XYLT1: variants seen among roughly 807,000 people sequenced by gnomAD.
XYLT1 encodes beta-D-xylosyltransferase 1.
In XYLT1, 36 loss-of-function variants were observed where a neutral mutation model predicts 91.3. The ratio of observed to expected loss-of-function variants is 0.39; its 90% CI spans 0.30 to 0.52. The LOEUF is 0.52. Among genes scored for constraint, XYLT1 ranks in the 20% least tolerant of loss-of-function variants. The probability of loss-of-function intolerance (pLI) is 0.68; values close to 1 mark genes in which losing one functional copy is unlikely to be tolerated. For synonymous variants in XYLT1, 588 were observed against 532.0 expected, an observed-to-expected ratio of 1.11 and a Z score of -1.45; for missense variants, 1,242 against 1,284.5, an observed-to-expected ratio of 0.97 and a Z score of 0.51.
chr16:17,367,864 G>C (rs1300130369), intron 1 of XYLT1, among the ~76,000 whole-genome samples: 1 of 152,162 alleles, frequency 6.6e-6, no homozygotes, highest in African/African-American at 2.4e-5. Context: ...AGGAGGAAAG[G>C]CCTATTTCCT....
chr16:17,288,949 T>C (rs2034181166), intron 2 of XYLT1, among the ~76,000 whole-genome samples: 1 of 152,172 alleles, frequency 6.6e-6, no homozygotes, highest in South Asian at 2.1e-4. Context: ...ATACAATAAA[T>C]AGATTTTTTT....
chr16:17,138,233 T>TCA, intron 8 of XYLT1, 122 bp downstream of exon 8: 7 of 951,068 alleles, frequency 7.4e-6, no homozygotes, highest in Non-Finnish European at 7.7e-6. Flanking sequence ...TATTATTAAT[T>TCA]ATCAACAGCC....
chr16:17,341,732 C>T (rs907772311), intron 2 of XYLT1, among the ~76,000 whole-genome samples: 21 of 152,144 alleles, frequency 1.4e-4, no homozygotes, highest in African/African-American at 4.8e-4. Context: ...GCTTTTGAAT[C>T]ATTTAATTGT....
At position 17,358,055 on chromosome 16, in the gene XYLT1, A is replaced by G. The variant is rs775917461; in HGVS notation, c.364-5T>C. The G allele has an allele frequency of 6.2e-7, 1 of 1,613,104 alleles. No homozygotes were observed. The highest frequency in any genetic ancestry group is 1.3e-5 in the African/African-American group (1 of 74,806). On this transcript the variant is annotated splice_polypyrimidine_tract_variant and splice_region_variant and intron_variant, in intron 1 of 11. Coordinates refer to ENST00000261381, the MANE Select transcript of XYLT1 (RefSeq NM_022166.4). Reference sequence around the variant, plus strand: ...GAGCGGACTTGGGTGTGGATCCTGTAGGATGAAAGGAGAAAATGCACGTGA... The same window carrying G: ...GAGCGGACTTGGGTGTGGATCCTGTGGGATGAAAGGAGAAAATGCACGTGA...
intron 2 of XYLT1, among the ~76,000 whole-genome samples, chr16:17,305,996 G>A (rs2034465492): frequency 6.6e-6 from 1 of 152,126 alleles, no homozygotes; most frequent in Non-Finnish European, 1.5e-5. Flanking sequence ...AACCTGCTGA[G>A]AACTGCTGTG....
At chr16:17,224,510 G>A (rs955774479) in intron 3 of XYLT1, among the ~76,000 whole-genome samples, 3 of 152,194 alleles carry the variant, frequency 2.0e-5, no homozygotes, top group Non-Finnish European at 4.4e-5. Flanking sequence ...GTTAGCAGAT[G>A]CAGGGAAGCT....
In XYLT1 at chr16:17,134,726, G is replaced by A. The variant is rs1420433386; in HGVS notation, c.1774C>T (p.Arg592Trp). The change falls in exon 9 of 12, where the codon CGG (arginine) becomes TGG (tryptophan). Residue 592 changes from arginine to tryptophan, a missense_variant. Coordinates refer to ENST00000261381, the MANE Select transcript of XYLT1 (RefSeq NM_022166.4). ...QDFHRFQQTA[R>W]PTFFARKFEA... is the part of the protein sequence containing the mutation. ...AACTTGCGGGCAAAGAAGGTAGGCC[G>A]GGCTGTCTGCTGTACTCATGGGATT... 3.7e-6 allele frequency: 6 copies of A among 1,614,130 alleles called. No homozygotes were observed. Among genetic ancestry groups the A allele is most frequent in the East Asian group, 2.2e-5 (1 of 44,874 alleles).
intron 1 of XYLT1, among the ~76,000 whole-genome samples, chr16:17,450,494 C>T (rs1038560940): frequency 2.0e-5 from 3 of 152,172 alleles, no homozygotes; most frequent in South Asian, 2.1e-4. Context: ...GGAAAGGACA[C>T]GTGGGTCACA....
At chr16:17,316,231 T>A (rs1415748270) in intron 2 of XYLT1, among the ~76,000 whole-genome samples, 1 of 152,158 alleles carries the variant, frequency 6.6e-6, no homozygotes, top group Non-Finnish European at 1.5e-5. Context: ...AAGAGATATT[T>A]ACACATGTCA....
chr16:17,429,563 G>A (rs891651746), intron 1 of XYLT1, among the ~76,000 whole-genome samples: 6 of 152,164 alleles, frequency 3.9e-5, no homozygotes, highest in Admixed American at 1.3e-4. Context: ...ATTGGGCCAC[G>A]GGGTGCCCAA....
chr16:17,292,047 C>T (rs1161219423), intron 2 of XYLT1, among the ~76,000 whole-genome samples: 2 of 151,634 alleles, frequency 1.3e-5, no homozygotes, highest in Non-Finnish European at 2.9e-5. Flanking sequence ...AATAATTAGC[C>T]AGCTAGCCGG....
chr16:17,123,704 T>C (rs893504784), intron 10 of XYLT1, among the ~76,000 whole-genome samples: 1 of 152,198 alleles, frequency 6.6e-6, no homozygotes, highest in African/African-American at 2.4e-5. Context: ...TTGTAGGGTA[T>C]AGCATAAGTC....
At chr16:17,117,611 A>G (rs757432673) in intron 11 of XYLT1, 35 bp downstream of exon 11, 3 of 1,585,160 alleles carry the variant, frequency 1.9e-6, no homozygotes, top group Non-Finnish European at 2.6e-6. Flanking sequence ...CCAGGGAAGG[A>G]GTATTTCTCC....
At chr16:17,294,539 G>T (rs915018228) in intron 2 of XYLT1, among the ~76,000 whole-genome samples, 1 of 152,170 alleles carries the variant, frequency 6.6e-6, no homozygotes, top group Non-Finnish European at 1.5e-5. Context: ...GAATACCAAT[G>T]GGGCCAGTTG....
chr16:17,459,083 A>G (rs966196430), intron 1 of XYLT1, among the ~76,000 whole-genome samples: 1 of 152,194 alleles, frequency 6.6e-6, no homozygotes, highest in Non-Finnish European at 1.5e-5. Flanking sequence ...GCAATATTTA[A>G]GAAGTGAGCC....
At chr16:17,212,032 A>G (rs1289404832) in intron 3 of XYLT1, among the ~76,000 whole-genome samples, 1 of 152,170 alleles carries the variant, frequency 6.6e-6, no homozygotes, top group Non-Finnish European at 1.5e-5. Context: ...GGGCGTGGAG[A>G]GGCAAAATTT....
chr16:17,367,662 T>C (rs1342140996), intron 1 of XYLT1, among the ~76,000 whole-genome samples: 1 of 152,220 alleles, frequency 6.6e-6, no homozygotes, highest in Non-Finnish European at 1.5e-5. Flanking sequence ...GAAAAGCACT[T>C]AGAGGTGCAG....
chr16:17,136,023 T>G (rs887113054), intron 8 of XYLT1, among the ~76,000 whole-genome samples: 1 of 152,190 alleles, frequency 6.6e-6, no homozygotes, highest in African/African-American at 2.4e-5. Flanking sequence ...GAGCTTATTA[T>G]TGTCTAGTGT....
intron 11 of XYLT1, among the ~76,000 whole-genome samples, chr16:17,112,426 G>C (rs1339299076): frequency 6.6e-6 from 1 of 152,008 alleles, no homozygotes; most frequent in Non-Finnish European, 1.5e-5. Flanking sequence ...TGTAGGGAGA[G>C]CCCTGCCTTC....
Sources: gnomAD v4.1 joint callset for allele counts (sites outside exome capture counted in the v4.1 genomes callset) on GRCh38, gnomAD v4.1.1 for gene constraint, MANE v1.5 for transcripts, NCBI Gene and HGNC (gene_info 2026-07-23, HGNC 2026-07-21) for gene names.